TUBB6: variants seen among roughly 807,000 people sequenced by gnomAD.
TUBB6 encodes tubulin beta-6 chain.
TUBB6 carries 18 observed loss-of-function variants against 32.3 expected under a neutral mutation model. That is an observed-to-expected ratio of 0.56 (90% CI 0.39 to 0.83). The LOEUF (loss-of-function observed/expected upper bound fraction) is 0.83, where lower values mean the gene tolerates loss of function less well. Among genes scored for constraint, TUBB6 ranks in the 40% least tolerant of loss-of-function variants. The pLI is 0.00. For missense variants in TUBB6, 480 were observed against 632.0 expected (o/e 0.76, Z 2.58); for synonymous variants, 280 against 265.8 (o/e 1.05, Z -0.52).
intron 2 of TUBB6, among the ~76,000 whole-genome samples, chr18:12,309,452 A>G (rs1906236854): frequency 7.3e-6 from 1 of 137,412 alleles, no homozygotes; most frequent in Non-Finnish European, 1.6e-5. Flanking sequence ...TTCTTGGCTA[A>G]AAATTTGAGA....
chr18:12,308,257 C>G lies in TUBB6; in HGVS notation c.-36C>G. 1 of 1,395,742 alleles carries G rather than the reference C, an allele frequency of 7.2e-7. No homozygotes were observed. The highest frequency in any genetic ancestry group is 9.4e-7 in the Non-Finnish European group (1 of 1,066,848). 86.5% of individuals were successfully genotyped at this position (1,395,742 alleles called of 1,614,324 possible). On this transcript the variant is annotated 5_prime_UTR_variant, in exon 1 of 4. Transcript: ENST00000317702. Reference sequence around the variant, plus strand: ...CCGGCCCGCAGTTGCCGCTGTCGTCCGCAGAGCCAGTTCCTAGCGCAGAGC... The same window carrying G: ...CCGGCCCGCAGTTGCCGCTGTCGTCGGCAGAGCCAGTTCCTAGCGCAGAGC...
chr18:12,308,399 C>A (rs1489118973), intron 1 of TUBB6, 50 bp downstream of exon 1: 2 of 1,281,536 alleles, frequency 1.6e-6, no homozygotes, highest in Non-Finnish European at 9.9e-7. Context: ...TGCTGGCGGG[C>A]CCCGGGTCTC....
At position 12,315,865 on chromosome 18, in the gene TUBB6, C is replaced by T. The variant is rs533890960; in HGVS notation, c.277+4812C>T. ...ACACAGGGCTTCATGTACCAGTGGC[C>T]GGTTTTATTTCTTAAATGGGTAGTA... is the stretch of plus-strand genomic sequence containing the variant. On this transcript the variant is annotated intron_variant, in intron 3 of 3. Transcript: ENST00000317702. Among the ~76,000 whole-genome samples the T allele has an allele frequency of 1.0e-3, 157 of 152,154 alleles. 1 individual carries two copies. Among genetic ancestry groups the T allele is most frequent in the South Asian group, 3.3e-3 (16 of 4,818 alleles).
downstream of TUBB6, among the ~76,000 whole-genome samples, chr18:12,327,343 T>C (rs1907372706): frequency 6.6e-6 from 1 of 152,172 alleles, no homozygotes. Flanking sequence ...GACAAAGCTT[T>C]GTCATTCGGG....
rs1162684217 is a variant in TUBB6 at position 12,308,405 on chromosome 18, G to A, written c.57+56G>A. On this transcript the variant is annotated intron_variant, in intron 1 of 3. Coordinates refer to ENST00000317702, the MANE Select transcript of TUBB6 (RefSeq NM_032525.3). Reference sequence around the variant, plus strand: ...CGGGTCGGCTGCTGGCGGGCCCCGGGTCTCCCGGCGCGACCCCCGCCGGGG... The same window carrying A: ...CGGGTCGGCTGCTGGCGGGCCCCGGATCTCCCGGCGCGACCCCCGCCGGGG... The A allele has an allele frequency of 5.5e-6, 7 of 1,268,030 alleles. No homozygotes were observed. In the African/African-American group the frequency reaches 9.5e-5, roughly 17 times the overall value. The allele number at this position is 1,268,030 out of a possible 1,614,324, so 78.5% of individuals were successfully genotyped here.
At chr18:12,321,556 T>C (rs993951873) in intron 3 of TUBB6, among the ~76,000 whole-genome samples, 1 of 152,216 alleles carries the variant, frequency 6.6e-6, no homozygotes, top group African/African-American at 2.4e-5. Flanking sequence ...CACTGCTTCA[T>C]AGTTCAGTGC....
At chr18:12,327,155 A>G (rs1907366050), downstream of TUBB6, among the ~76,000 whole-genome samples, 1 of 152,170 alleles carries the variant, frequency 6.6e-6, no homozygotes. Flanking sequence ...CTCTAGCCAT[A>G]AGAATGGGCA....
chr18:12,329,234 T>C (rs1907432446), downstream of TUBB6: 1 of 702,422 alleles, frequency 1.4e-6, no homozygotes, highest in East Asian at 2.7e-5. Context: ...AAGAGTCCAG[T>C]GCAACGATCC....
intron 3 of TUBB6, among the ~76,000 whole-genome samples, chr18:12,314,137 C>T (rs762418570): frequency 3.3e-5 from 5 of 152,094 alleles, no homozygotes; most frequent in African/African-American, 4.8e-5. Flanking sequence ...AGCACCGCAC[C>T]GGGAGAGGGA....
chr18:12,314,908 CTGAG>C (rs2144139544), intron 3 of TUBB6, among the ~76,000 whole-genome samples: 1 of 152,242 alleles, frequency 6.6e-6, no homozygotes, highest in South Asian at 2.1e-4. Context: ...CCCCACCATC[CTGAG>C]TGATTCGTAT....
At chr18:12,308,423 C>T in intron 1 of TUBB6, 74 bp downstream of exon 1, 1 of 1,156,210 alleles carries the variant, frequency 8.6e-7, no homozygotes, top group Non-Finnish European at 1.1e-6. Flanking sequence ...GCGCGACCCC[C>T]GCCGGGGCGC....
In TUBB6 at chr18:12,326,568, C is replaced by T. The variant is rs531755737; in HGVS notation, c.*438C>T. 1 of 183,916 alleles carries T rather than the reference C, an allele frequency of 5.4e-6. No homozygotes were observed. The highest frequency in any genetic ancestry group is 2.4e-5 in the African/African-American group (1 of 42,272). 11.4% of individuals were successfully genotyped at this position (183,916 alleles called of 1,614,324 possible). A position where few individuals can be genotyped will look rare whatever the true frequency, so the allele number is the denominator to read the frequency against. ...TAATAAAATACTAAACGTGTGTCTT[C>T]ATCTCTCTAGCCATGTGCATAAATG... On this transcript the variant is annotated 3_prime_UTR_variant, in exon 4 of 4. Coordinates refer to ENST00000317702, the MANE Select transcript of TUBB6 (RefSeq NM_032525.3).
In TUBB6 at chr18:12,325,398, C is replaced by T. The variant is rs554208544; in HGVS notation, c.609C>T (p.Asp203=). The change falls in exon 4 of 4, where the codon GAC becomes GAT. Residue 203 remains aspartate, a synonymous_variant. Transcript: ENST00000317702. ...VENTDETYCI[D]NEALYDICFR... is the part of the protein sequence containing the mutation. ...ATACAGACGAGACCTACTGCATCGACAACGAGGCGCTCTATGACATCTGCT... is the reference window on the plus strand; with the variant it reads ...ATACAGACGAGACCTACTGCATCGATAACGAGGCGCTCTATGACATCTGCT... 1.2e-5 allele frequency: 19 copies of T among 1,614,248 alleles called. No individual in the cohort carries two copies. In the South Asian group the frequency reaches 2.1e-4, roughly 18 times the overall value.
upstream of TUBB6, chr18:12,308,205 G>T (rs1164224824): frequency 2.1e-6 from 2 of 970,190 alleles, no homozygotes; most frequent in Non-Finnish European, 2.6e-6. Context: ...GCGGGGGCGC[G>T]GAGGGTCGGC....
At chr18:12,329,504 C>G, downstream of TUBB6, 1 of 1,534,654 alleles carries the variant, frequency 6.5e-7, no homozygotes, top group Non-Finnish European at 9.0e-7. Context: ...AAAGCCACAG[C>G]TGAAATAATG....
intron 3 of TUBB6, chr18:12,324,708 C>G: frequency 8.8e-7 from 1 of 1,136,542 alleles, no homozygotes; most frequent in Non-Finnish European, 1.1e-6. Context: ...GCCTCGGCCT[C>G]CCAAAGTGCT....
At chr18:12,320,617 C>T (rs904109099) in intron 3 of TUBB6, 6 of 152,342 alleles carry the variant, frequency 3.9e-5, no homozygotes, top group Non-Finnish European at 7.3e-5. Context: ...GTGTTCCTCC[C>T]TGGCTCCCCA....
intron 1 of TUBB6, 164 bp from the exon 2 acceptor site, chr18:12,308,523 G>A: frequency 1.4e-6 from 1 of 700,440 alleles, no homozygotes. Context: ...GCCGGCCGGG[G>A]ACCTTCTACT....
intron 3 of TUBB6, among the ~76,000 whole-genome samples, chr18:12,313,946 A>T (rs1906529183): frequency 1.3e-5 from 2 of 152,218 alleles, no homozygotes; most frequent in African/African-American, 4.8e-5. Context: ...TGAGTACTGT[A>T]ATAAAGACCT....
Sources: gnomAD v4.1 joint callset for allele counts (sites outside exome capture counted in the v4.1 genomes callset) on GRCh38, gnomAD v4.1.1 for gene constraint, MANE v1.5 for transcripts, NCBI Gene and HGNC (gene_info 2026-07-23, HGNC 2026-07-21) for gene names.